IQCK: variants seen among roughly 807,000 people sequenced by gnomAD.
IQCK encodes IQ domain-containing protein K.
IQCK carries 29 observed loss-of-function variants against 28.1 expected under a neutral mutation model. The ratio of observed to expected loss-of-function variants is 1.03; its 90% CI spans 0.77 to 1.41. The LOEUF (loss-of-function observed/expected upper bound fraction) is 1.41. Among genes scored for constraint, IQCK ranks in the 40% most tolerant of loss-of-function variants. The pLI is 0.00. For synonymous variants in IQCK, 113 were observed against 115.1 expected (o/e 0.98, Z 0.12); for missense variants, 359 against 314.7 (o/e 1.14, Z -1.07).
At chr16:19,737,209 A>G (rs1436774743) in intron 4 of IQCK, among the ~76,000 whole-genome samples, 1 of 152,054 alleles carries the variant, frequency 6.6e-6, no homozygotes, top group Admixed American at 6.6e-5. Context: ...TACAGTGTAA[A>G]CCCCAATGAG....
At chr16:19,732,523 C>T (rs1977874101) in intron 2 of IQCK, among the ~76,000 whole-genome samples, 1 of 152,178 alleles carries the variant, frequency 6.6e-6, no homozygotes, top group Admixed American at 6.5e-5. Context: ...CTTACTCTGT[C>T]ATCAGGCTGG....
intron 6 of IQCK, among the ~76,000 whole-genome samples, chr16:19,778,356 T>C (rs1256998895): frequency 6.6e-6 from 1 of 151,996 alleles, no homozygotes; most frequent in Non-Finnish European, 1.5e-5. Context: ...CTGCACTAAC[T>C]GTGGGCAGTT....
rs914473843 is a variant in IQCK at position 19,750,129 on chromosome 16, AT to A, written c.475-13709del. Among the ~76,000 whole-genome samples, 62 of 150,136 alleles carry A rather than the reference AT, an allele frequency of 4.1e-4. No individual in the cohort carries two copies. The East Asian group carries it at 8.6e-3, about 21-fold the overall frequency. ...ATTGCTTCAGATAAGGGAGTTTATG[AT>A]TTTTTTTTTCTTTTGAGATGGAGTG... is the stretch of plus-strand genomic sequence containing the variant. On this transcript the variant is annotated intron_variant, in intron 4 of 7. Transcript: ENST00000564186.
intron 9 of IQCK, among the ~76,000 whole-genome samples, chr16:19,833,319 A>T (rs2056255753): frequency 6.6e-6 from 1 of 152,208 alleles, no homozygotes; most frequent in African/African-American, 2.4e-5. Context: ...CAGTGTCCAT[A>T]AGAAAAAAGA....
chr16:19,739,400 TA>T (rs1252877820), intron 4 of IQCK, among the ~76,000 whole-genome samples: 4 of 152,132 alleles, frequency 2.6e-5, no homozygotes, highest in Non-Finnish European at 4.4e-5. Context: ...ATGAGAACTG[TA>T]AACAAAAAAG....
At chr16:19,858,402 T>C (rs1408164548) in exon 10 of IQCK, 2 of 498,672 alleles carry the variant, frequency 4.0e-6, no homozygotes, top group African/African-American at 2.0e-5. Context: ...AGCACGACTT[T>C]CCATGGCAGC....
At chr16:19,730,723 A>ATCTGTCTG (rs1555513796) in intron 2 of IQCK, among the ~76,000 whole-genome samples, 7 of 150,152 alleles carry the variant, frequency 4.7e-5, no homozygotes, top group South Asian at 2.1e-4. Flanking sequence ...CTGTCTATCT[A>ATCTGTCTG]TCTGTCTGTC....
At chr16:19,769,394 G>A (rs1391693305) in intron 6 of IQCK, among the ~76,000 whole-genome samples, 1 of 152,226 alleles carries the variant, frequency 6.6e-6, no homozygotes, top group Admixed American at 6.5e-5. Flanking sequence ...TGAAGATACA[G>A]TGATACAGCT....
At chr16:19,813,419 T>A (rs1460290374) in intron 7 of IQCK, among the ~76,000 whole-genome samples, 1 of 150,564 alleles carries the variant, frequency 6.6e-6, no homozygotes, top group African/African-American at 2.5e-5. Flanking sequence ...CAGCAAGCTA[T>A]CTTAAAGGAA....
At chr16:19,791,616 T>C (rs2151733795) in intron 7 of IQCK, among the ~76,000 whole-genome samples, 1 of 139,022 alleles carries the variant, frequency 7.2e-6, no homozygotes. Context: ...AGCTTTGGGA[T>C]TCGTTCTTAG....
chr16:19,833,601 A>G (rs1016799577), intron 9 of IQCK, among the ~76,000 whole-genome samples: 1 of 152,196 alleles, frequency 6.6e-6, no homozygotes, highest in African/African-American at 2.4e-5. Context: ...ATTCCCAAAT[A>G]TAGTAAGTTT....
exon 10 of IQCK, chr16:19,856,795 C>T: frequency 2.1e-6 from 1 of 482,800 alleles, no homozygotes; most frequent in Non-Finnish European, 3.7e-6. Context: ...ATTACTTCTT[C>T]AGTGCCTCAG....
chr16:19,792,922 G>A lies in IQCK; in HGVS notation c.690+4000G>A, dbSNP rs2055638287. On this transcript the variant is annotated intron_variant, in intron 7 of 7. Transcript: ENST00000564186. The stretch of plus-strand genomic sequence containing the variant: ...TACAAAGAGAATGTAGTATGATTTT[G>A]TTTAATTAAAAGTGAACTTAAACCA... Among the ~76,000 whole-genome samples, 2 of 116,234 alleles carry A rather than the reference G, an allele frequency of 1.7e-5. 1 individual carries two copies. The highest frequency in any genetic ancestry group is 1.5e-4 in the African/African-American group (2 of 12,942). 76.3% of individuals were successfully genotyped at this position (116,234 alleles called of 152,430 possible). A position where few individuals can be genotyped will look rare whatever the true frequency, so the allele number is the denominator to read the frequency against.
At chr16:19,827,338 C>A, downstream of IQCK, 1 of 585,890 alleles carries the variant, frequency 1.7e-6, no homozygotes, top group Non-Finnish European at 3.0e-6. Context: ...GGCCATTTCT[C>A]TCCCACAGGG....
intron 3 of IQCK, among the ~76,000 whole-genome samples, chr16:19,735,034 C>G (rs774559915): frequency 1.7e-4 from 26 of 152,234 alleles, no homozygotes; most frequent in Non-Finnish European, 2.9e-4. Context: ...GCTCCCATTT[C>G]CTACCACACT....
intron 7 of IQCK, among the ~76,000 whole-genome samples, chr16:19,821,529 G>T (rs548591064): frequency 6.6e-6 from 1 of 152,012 alleles, no homozygotes; most frequent in Non-Finnish European, 1.5e-5. Context: ...GTGAAACCCC[G>T]TGTCTACTAA....
rs1047129334 is a variant in IQCK, at chr16:19,729,939, C to T, written c.182-491C>T. On this transcript the variant is annotated intron_variant, in intron 1 of 7. Transcript: ENST00000564186. ...GATTACAGGCGTGAGCCACCACGCC[C>T]GGCCTATTTTATTTTATTAATAATT... Among the ~76,000 whole-genome samples, 33 of 151,858 alleles carry T rather than the reference C, an allele frequency of 2.2e-4. No homozygotes were observed. The South Asian group carries it at 4.0e-3, about 18-fold the overall frequency.
chr16:19,730,561 G>C, intron 2 of IQCK, 67 bp downstream of exon 2: 1 of 1,270,504 alleles, frequency 7.9e-7, no homozygotes, highest in Non-Finnish European at 1.1e-6. Flanking sequence ...GATGGCCTGT[G>C]AATGTCACAC....
intron 1 of IQCK, among the ~76,000 whole-genome samples, chr16:19,725,524 TA>T (rs1329438285): frequency 6.6e-6 from 1 of 152,216 alleles, no homozygotes; most frequent in Non-Finnish European, 1.5e-5. Flanking sequence ...TAAGTATTTC[TA>T]ATGCAGAACA....
Sources: allele counts gnomAD v4.1 joint callset (sites outside exome capture counted in the v4.1 genomes callset), GRCh38; gene constraint gnomAD v4.1.1; transcripts MANE v1.5; gene names NCBI Gene and HGNC (gene_info 2026-07-23, HGNC 2026-07-21).